AGBL4: variants seen among roughly 807,000 people sequenced by gnomAD.
The protein encoded by AGBL4 is AGBL carboxypeptidase 4, also known as cytosolic carboxypeptidase 6.
AGBL4 carries 58 observed loss-of-function variants against 66.4 expected under a neutral mutation model. The ratio of observed to expected loss-of-function variants is 0.87; its 90% confidence interval spans 0.71 to 1.09. The LOEUF (loss-of-function observed/expected upper bound fraction) is 1.09, where lower values mean the gene tolerates loss of function less well. Ranked by LOEUF, AGBL4 falls within the 50% of genes least tolerant of loss-of-function variation. The pLI is 0.00. For missense variants in AGBL4, 579 were observed against 631.0 expected, an observed-to-expected ratio of 0.92 and a Z score of 0.88; for synonymous variants, 234 against 222.9, an observed-to-expected ratio of 1.05 and a Z score of -0.44.
intron 9 of AGBL4, among the ~76,000 whole-genome samples, chr1:48,632,381 C>T (rs1382605925): frequency 2.0e-5 from 3 of 152,162 alleles, no homozygotes; most frequent in Non-Finnish European, 2.9e-5. Context: ...CATGAATGAG[C>T]GCCCGGTTGT....
intron 4 of AGBL4, among the ~76,000 whole-genome samples, chr1:49,063,134 A>G (rs541512269): frequency 1.1e-4 from 16 of 152,180 alleles, no homozygotes; most frequent in Non-Finnish European, 5.9e-5. Flanking sequence ...TTTTTTTCAT[A>G]TAAGAAAAGC....
At chr1:48,591,114 AT>A (rs1246385643) in intron 9 of AGBL4, 129 bp from the exon 10 acceptor site, 74 of 720,434 alleles carry the variant, frequency 1.0e-4, no homozygotes, top group Non-Finnish European at 2.5e-5. Flanking sequence ...ACACACACAC[AT>A]CAAGCTGACC....
intron 8 of AGBL4, among the ~76,000 whole-genome samples, chr1:48,646,037 C>T (rs1645829721): frequency 6.6e-6 from 1 of 152,144 alleles, no homozygotes; most frequent in Non-Finnish European, 1.5e-5. Context: ...TTGAATAATC[C>T]TTCAGAGGGC....
intron 9 of AGBL4, among the ~76,000 whole-genome samples, chr1:48,612,475 G>A (rs1645253719): frequency 6.6e-6 from 1 of 152,196 alleles, no homozygotes; most frequent in African/African-American, 2.4e-5. Context: ...ATCCATTGCA[G>A]TTATAGAGAT....
intron 3 of AGBL4, among the ~76,000 whole-genome samples, chr1:49,282,345 T>C (rs1169889923): frequency 1.3e-5 from 2 of 152,216 alleles, no homozygotes; most frequent in East Asian, 3.8e-4. Flanking sequence ...GTCATTTCTC[T>C]TCAATGAGGC....
At chr1:49,171,338 T>G (rs903253331) in intron 4 of AGBL4, among the ~76,000 whole-genome samples, 1 of 152,208 alleles carries the variant, frequency 6.6e-6, no homozygotes, top group African/African-American at 2.4e-5. Flanking sequence ...TCTGTTTCCA[T>G]GTGTGTGGGT....
intron 3 of AGBL4, among the ~76,000 whole-genome samples, chr1:49,478,504 A>T (rs898707919): frequency 6.6e-6 from 1 of 152,052 alleles, no homozygotes; most frequent in African/African-American, 2.4e-5. Context: ...ATAACCTTCA[A>T]TCATGAAGGA....
chr1:49,380,263 A>C (rs1289616587), intron 3 of AGBL4, among the ~76,000 whole-genome samples: 1 of 152,198 alleles, frequency 6.6e-6, no homozygotes, highest in African/African-American at 2.4e-5. Context: ...TGCTTCAAAG[A>C]GAATAAAATA....
At chr1:49,970,150 G>T (rs1010035494) in intron 1 of AGBL4, among the ~76,000 whole-genome samples, 4 of 152,160 alleles carry the variant, frequency 2.6e-5, no homozygotes, top group African/African-American at 9.6e-5. Flanking sequence ...AAATTACCAA[G>T]AAGAAAACAT....
intron 2 of AGBL4, among the ~76,000 whole-genome samples, chr1:49,717,018 T>C (rs1648199551): frequency 6.6e-6 from 1 of 151,998 alleles, no homozygotes; most frequent in African/African-American, 2.4e-5. Flanking sequence ...GATCATAGAT[T>C]TAGAAAACCC....
At chr1:49,530,776 C>A (rs1460907814) in intron 3 of AGBL4, among the ~76,000 whole-genome samples, 1 of 151,978 alleles carries the variant, frequency 6.6e-6, no homozygotes, top group East Asian at 1.9e-4. Flanking sequence ...CATTTATTAT[C>A]ATCCTGAAGA....
chr1:48,796,877 A>G (rs541790339), intron 6 of AGBL4, among the ~76,000 whole-genome samples: 30 of 152,322 alleles, frequency 2.0e-4, no homozygotes, highest in African/African-American at 6.3e-4. Context: ...TAAATATAGC[A>G]TCTTCCACAA....
chr1:49,327,528 G>A (rs888194774), intron 3 of AGBL4, among the ~76,000 whole-genome samples: 45 of 152,182 alleles, frequency 3.0e-4, no homozygotes, highest in African/African-American at 1.1e-3. Flanking sequence ...CAACAAGAAT[G>A]GGGTTGGTGA....
At chr1:48,723,872 TAA>T (rs1647187848) in intron 6 of AGBL4, among the ~76,000 whole-genome samples, 1 of 152,140 alleles carries the variant, frequency 6.6e-6, no homozygotes, top group Non-Finnish European at 1.5e-5. Context: ...GTTTAATTTA[TAA>T]AGAGTCTAAA....
At chr1:49,548,453 T>C (rs1271149223) in intron 3 of AGBL4, among the ~76,000 whole-genome samples, 2 of 152,212 alleles carry the variant, frequency 1.3e-5, no homozygotes, top group Admixed American at 6.5e-5. Context: ...ATGTCCCTTG[T>C]ATGCCAATTT....
chr1:49,986,970 T>C (rs1659549782), intron 1 of AGBL4, among the ~76,000 whole-genome samples: 1 of 152,054 alleles, frequency 6.6e-6, no homozygotes, highest in African/African-American at 2.4e-5. Flanking sequence ...CTGGAGTGCC[T>C]ACCTAACATC....
At chr1:49,570,304 T>C (rs577788734) in intron 3 of AGBL4, among the ~76,000 whole-genome samples, 1 of 152,314 alleles carries the variant, frequency 6.6e-6, no homozygotes, top group South Asian at 2.1e-4. Flanking sequence ...ATTGTGGTTT[T>C]AATTTGCATT....
At chr1:48,776,496 G>A (rs1336304211) in intron 6 of AGBL4, 3 of 807,138 alleles carry the variant, frequency 3.7e-6, no homozygotes, top group African/African-American at 1.8e-5. Context: ...AAGGAGGCAG[G>A]AAGGAGCAAG....
At chr1:49,838,149 A>T (rs1422482825) in intron 2 of AGBL4, among the ~76,000 whole-genome samples, 1 of 152,212 alleles carries the variant, frequency 6.6e-6, no homozygotes, top group Non-Finnish European at 1.5e-5. Context: ...TAACACAGAG[A>T]TTAACAACAG....
Sources: gnomAD v4.1 joint callset for allele counts (sites outside exome capture counted in the v4.1 genomes callset) on GRCh38, gnomAD v4.1.1 for gene constraint, MANE v1.5 for transcripts, NCBI Gene and HGNC (gene_info 2026-07-23, HGNC 2026-07-21) for gene names.